Variants in TYW1B observed in about 807,000 individuals in gnomAD.
The protein encoded by TYW1B is tRNA-yW synthesizing protein 1 homolog B.
A neutral mutation model predicts 86.9 loss-of-function variants in TYW1B; 73 were observed. The observed-to-expected ratio is 0.84, with a 90% CI of 0.70 to 1.02. TYW1B has a LOEUF of 1.02. Among genes scored for constraint, TYW1B ranks in the 50% least tolerant of loss-of-function variants. TYW1B has a pLI of 0.00. For missense variants in TYW1B, 637 were observed against 827.4 expected, an observed-to-expected ratio of 0.77 and a Z score of 2.82; for synonymous variants, 248 against 292.8, an observed-to-expected ratio of 0.85 and a Z score of 1.56.
At chr7:72,646,183 T>C (rs1812925662) in intron 11 of TYW1B, among the ~76,000 whole-genome samples, 1 of 151,672 alleles carries the variant, frequency 6.6e-6, no homozygotes, top group African/African-American at 2.4e-5. Flanking sequence ...GCCTCCTGAG[T>C]AGCTGGGACT....
intron 11 of TYW1B, among the ~76,000 whole-genome samples, chr7:72,686,189 C>A (rs1180706997): frequency 3.3e-5 from 5 of 152,168 alleles, no homozygotes; most frequent in African/African-American, 1.2e-4. Context: ...TATGAAACTA[C>A]CCAGCAACTA....
Position 72,701,946 on chromosome 7 carries a change from A to G in TYW1B, c.1371-7124T>C, listed in dbSNP as rs1430769215. Among the ~76,000 whole-genome samples the G allele has an allele frequency of 2.0e-5, 3 of 152,214 alleles. No homozygotes were observed. The East Asian group carries it at 5.8e-4, about 29-fold the overall frequency. On this transcript the variant is annotated intron_variant, in intron 10 of 13. Transcript: ENST00000620995. The stretch of plus-strand genomic sequence containing the variant: ...TTTCGCTGCCTGCTTACTCGGTAAG[A>G]ACCAAGAGCACAGGGCCTTCTCAAG...
At chr7:72,774,627 T>C (rs575541629) in intron 7 of TYW1B, among the ~76,000 whole-genome samples, 367 of 151,904 alleles carry the variant, frequency 2.4e-3, no homozygotes, top group African/African-American at 7.0e-3. Flanking sequence ...GCAGGTGAAT[T>C]ACTTGAGGCA....
chr7:72,598,954 A>G (rs1811596363), intron 13 of TYW1B, among the ~76,000 whole-genome samples: 3 of 152,326 alleles, frequency 2.0e-5, no homozygotes, highest in Non-Finnish European at 4.4e-5. Flanking sequence ...GAATCCTACC[A>G]AACATTTAAG....
intron 12 of TYW1B, among the ~76,000 whole-genome samples, chr7:72,626,707 A>C (rs114601335): frequency 6.6e-6 from 1 of 152,066 alleles, no homozygotes; most frequent in African/African-American, 2.4e-5. Context: ...TATTGGTTCT[A>C]CTTCCAAAAG....
At chr7:72,626,327 T>C (rs1181978270) in intron 12 of TYW1B, among the ~76,000 whole-genome samples, 9 of 147,666 alleles carry the variant, frequency 6.1e-5, no homozygotes, top group Non-Finnish European at 1.2e-4. Flanking sequence ...TAAACGGAAA[T>C]GAGCAGAGTT....
intron 11 of TYW1B, among the ~76,000 whole-genome samples, chr7:72,653,819 C>A (rs1281219341): frequency 6.6e-6 from 1 of 152,060 alleles, no homozygotes; most frequent in Non-Finnish European, 1.5e-5. Context: ...TGGTGGCTCA[C>A]GCCTGTGATC....
At chr7:72,595,337 T>A (rs1188812855) in intron 13 of TYW1B, among the ~76,000 whole-genome samples, 2 of 152,140 alleles carry the variant, frequency 1.3e-5, no homozygotes, top group Non-Finnish European at 2.9e-5. Flanking sequence ...CATTTCCACA[T>A]ACTAATAATG....
chr7:72,662,645 G>T (rs561341686), intron 11 of TYW1B, among the ~76,000 whole-genome samples: 1 of 152,280 alleles, frequency 6.6e-6, no homozygotes, highest in African/African-American at 2.4e-5. Flanking sequence ...CCAGTGTGTG[G>T]AAGGGAAGGT....
rs540299298 is a variant in TYW1B, at chr7:72,606,273, C to T, written c.1785+10399G>A. 5.0e-3 allele frequency among the ~76,000 whole-genome samples: 746 copies of T among 147,844 alleles called. 2 individuals carry two copies. The highest frequency in any genetic ancestry group is 0.01 in the Middle Eastern group (3 of 286). ...CAGGGCAGCCTAGGAAGACAGAAAA[C>T]TTTTAGACAATAACCAACCTAGGCC... is the stretch of plus-strand genomic sequence containing the variant. On this transcript the variant is annotated intron_variant, in intron 13 of 13. Coordinates refer to ENST00000620995, the MANE Select transcript of TYW1B (RefSeq NM_001145440.3).
At chr7:72,664,178 C>T (rs1352123719) in intron 11 of TYW1B, among the ~76,000 whole-genome samples, 48 of 152,216 alleles carry the variant, frequency 3.2e-4, no homozygotes, top group Non-Finnish European at 5.9e-4. Context: ...ATCTGCCGTC[C>T]ATCTCCACCA....
intron 5 of TYW1B, among the ~76,000 whole-genome samples, chr7:72,804,437 G>A (rs1336617232): frequency 2.6e-5 from 4 of 152,102 alleles, no homozygotes; most frequent in African/African-American, 9.7e-5. Context: ...GCCCCTCTTA[G>A]GCGAGGTCAT....
chr7:72,792,121 G>A (rs1788230032), intron 6 of TYW1B, among the ~76,000 whole-genome samples: 1 of 152,078 alleles, frequency 6.6e-6, no homozygotes, highest in South Asian at 2.1e-4. Flanking sequence ...TTGAGGCCAG[G>A]AGTTTGAGAT....
chr7:72,720,558 CAAGT>C (rs1421556377), intron 9 of TYW1B, among the ~76,000 whole-genome samples: 1 of 152,154 alleles, frequency 6.6e-6, no homozygotes, highest in African/African-American at 2.4e-5. Flanking sequence ...GATTCTTTCA[CAAGT>C]AAGATATTGA....
At chr7:72,626,154 G>C (rs1438647028) in intron 12 of TYW1B, among the ~76,000 whole-genome samples, 1 of 151,424 alleles carries the variant, frequency 6.6e-6, no homozygotes, top group East Asian at 1.9e-4. Context: ...AATTTCAAGA[G>C]TGTCTTCAGC....
chr7:72,781,259 G>A (rs1302892091), intron 6 of TYW1B, among the ~76,000 whole-genome samples: 6 of 152,186 alleles, frequency 3.9e-5, no homozygotes, highest in East Asian at 1.9e-4. Flanking sequence ...AAAGGGCTCT[G>A]ATCAGGGAAA....
chr7:72,687,030 G>C (rs1189941765), intron 11 of TYW1B, among the ~76,000 whole-genome samples: 1 of 152,148 alleles, frequency 6.6e-6, no homozygotes, highest in Non-Finnish European at 1.5e-5. Context: ...GGTGGGCAAA[G>C]ATTTCACAAA....
intron 11 of TYW1B, among the ~76,000 whole-genome samples, chr7:72,661,034 C>A (rs1224549451): frequency 1.3e-5 from 2 of 150,444 alleles, no homozygotes; most frequent in Admixed American, 6.7e-5. Flanking sequence ...ATTCGGGAGG[C>A]TGAGGCAGGA....
In TYW1B at chr7:72,584,893, C is replaced by T. The variant is rs575165072; in HGVS notation, c.1786-9174G>A. Among the ~76,000 whole-genome samples, 13 of 152,220 alleles carry T rather than the reference C, an allele frequency of 8.5e-5. No homozygotes were observed. The South Asian group carries it at 1.5e-3, about 17-fold the overall frequency. On this transcript the variant is annotated intron_variant, in intron 13 of 13. Transcript: ENST00000620995. ...GAGGCCTTAGGCAAACGAGGGGAGCCGAAAGCTTTTTATGCAGACCTCTAA... is the reference window on the plus strand; with the variant it reads ...GAGGCCTTAGGCAAACGAGGGGAGCTGAAAGCTTTTTATGCAGACCTCTAA...
Sources: allele counts gnomAD v4.1 joint callset (sites outside exome capture counted in the v4.1 genomes callset), GRCh38; gene constraint gnomAD v4.1.1; transcripts MANE v1.5; gene names NCBI Gene and HGNC (gene_info 2026-07-23, HGNC 2026-07-21).